PEAK1: variants seen among roughly 807,000 people sequenced by gnomAD.
PEAK1 encodes inactive tyrosine-protein kinase PEAK1.
Under a neutral mutation model 124.7 loss-of-function variants are expected in PEAK1, and 54 were observed. The ratio of observed to expected loss-of-function variants is 0.43; its 90% CI spans 0.35 to 0.54. PEAK1 has a LOEUF of 0.54. PEAK1 is among the 20% of genes least tolerant of loss of function. PEAK1 has a pLI of 0.01. For synonymous variants in PEAK1, 719 were observed against 760.0 expected (o/e 0.95, Z 0.89); for missense variants, 2,046 against 2,134.5 (o/e 0.96, Z 0.82).
intron 5 of PEAK1, among the ~76,000 whole-genome samples, chr15:77,263,343 T>C (rs1361915806): frequency 1.3e-5 from 2 of 152,004 alleles, no homozygotes; most frequent in South Asian, 4.2e-4. Flanking sequence ...ATCAACAAAA[T>C]TGATAGACCG....
chr15:77,233,606 T>C (rs2059995599), intron 6 of PEAK1, among the ~76,000 whole-genome samples: 1 of 152,220 alleles, frequency 6.6e-6, no homozygotes, highest in Non-Finnish European at 1.5e-5. Flanking sequence ...TAAGGGATTT[T>C]ATCCAATCCT....
chr15:77,297,346 T>C (rs576890955), intron 2 of PEAK1, among the ~76,000 whole-genome samples: 1 of 151,352 alleles, frequency 6.6e-6, no homozygotes, highest in Non-Finnish European at 1.5e-5. Context: ...AAAAAATGAA[T>C]CTTCTTATAA....
intron 8 of PEAK1, among the ~76,000 whole-genome samples, chr15:77,152,716 C>T (rs924015559): frequency 2.6e-5 from 4 of 152,142 alleles, no homozygotes; most frequent in Non-Finnish European, 2.9e-5. Context: ...TGAATTTTGT[C>T]AAAGGCCTTT....
At chr15:77,371,291 T>C (rs906221588) in intron 1 of PEAK1, 46 of 930,274 alleles carry the variant, frequency 4.9e-5, no homozygotes, top group Non-Finnish European at 5.8e-5. Flanking sequence ...TTAATAATAT[T>C]GGAACATAAT....
At chr15:77,356,596 T>C (rs894034563) in intron 2 of PEAK1, among the ~76,000 whole-genome samples, 1 of 152,174 alleles carries the variant, frequency 6.6e-6, no homozygotes, top group Non-Finnish European at 1.5e-5. Context: ...ATATTAAAAA[T>C]TGCAAACACC....
chr15:77,273,952 T>C (rs768561900), intron 5 of PEAK1, among the ~76,000 whole-genome samples: 5 of 152,044 alleles, frequency 3.3e-5, no homozygotes, highest in East Asian at 3.9e-4. Context: ...TGGAACAGAA[T>C]AGAGAACCCA....
downstream of PEAK1, chr15:77,106,130 C>G (rs968291751): frequency 6.6e-6 from 1 of 152,128 alleles, no homozygotes; most frequent in Non-Finnish European, 1.5e-5. Context: ...TTTCAGGGCT[C>G]CAGGTGTTTC....
At chr15:77,376,159 A>T (rs1369271838) in intron 1 of PEAK1, among the ~76,000 whole-genome samples, 1 of 152,114 alleles carries the variant, frequency 6.6e-6, no homozygotes, top group African/African-American at 2.4e-5. Context: ...TAAAAAAATC[A>T]GGCAACTTGA....
intron 9 of PEAK1, among the ~76,000 whole-genome samples, chr15:77,131,958 C>T (rs1198083546): frequency 6.6e-6 from 1 of 151,696 alleles, no homozygotes; most frequent in Non-Finnish European, 1.5e-5. Flanking sequence ...ACACCTGAGG[C>T]TGCAGTGAGC....
At chr15:77,296,140 T>C (rs751090990) in intron 2 of PEAK1, among the ~76,000 whole-genome samples, 4 of 152,162 alleles carry the variant, frequency 2.6e-5, no homozygotes, top group Non-Finnish European at 5.9e-5. Flanking sequence ...AGAAAGGCAC[T>C]AAGAGAGCAA....
intron 1 of PEAK1, chr15:77,402,499 T>C (rs570366694): frequency 2.1e-6 from 2 of 967,126 alleles, no homozygotes; most frequent in South Asian, 9.6e-5. Flanking sequence ...TATTACATGT[T>C]AAAATTATTA....
intron 2 of PEAK1, among the ~76,000 whole-genome samples, chr15:77,306,593 C>T (rs929211329): frequency 6.6e-6 from 1 of 152,058 alleles, no homozygotes; most frequent in Non-Finnish European, 1.5e-5. Flanking sequence ...CTAATCATTC[C>T]TTTTATAGAC....
intron 6 of PEAK1, among the ~76,000 whole-genome samples, chr15:77,237,770 T>C (rs2060188242): frequency 6.6e-6 from 1 of 152,202 alleles, no homozygotes; most frequent in South Asian, 2.1e-4. Context: ...CTAAGTGAAT[T>C]CATATCTATA....
At chr15:77,116,706 ATCTATCTATCTATCTATCTATCT>A (rs1566987363) in intron 9 of PEAK1, among the ~76,000 whole-genome samples, 7 of 14,322 alleles carry the variant, frequency 4.9e-4, no homozygotes, top group South Asian at 4.0e-3. Context: ...CAATCAATCT[ATCTATCTATCTATCTATCTATCT>A]ATCTATCTAT....
chr15:77,304,560 G>T (rs940945015), intron 2 of PEAK1, among the ~76,000 whole-genome samples: 1 of 147,218 alleles, frequency 6.8e-6, no homozygotes, highest in Non-Finnish European at 1.5e-5. Flanking sequence ...ACCATCTCCT[G>T]CCTCAGCCTC....
intron 1 of PEAK1, among the ~76,000 whole-genome samples, chr15:77,396,528 A>G (rs766886472): frequency 1.3e-5 from 2 of 152,142 alleles, no homozygotes; most frequent in Non-Finnish European, 2.9e-5. Context: ...TCTGTTGCCT[A>G]TAAGAAACAC....
chr15:77,157,705 T>C (rs1195323138), intron 8 of PEAK1: 1 of 152,172 alleles, frequency 6.6e-6, no homozygotes, highest in African/African-American at 2.4e-5. Flanking sequence ...CTTTACATTA[T>C]CCAATCTTGT....
intron 5 of PEAK1, among the ~76,000 whole-genome samples, chr15:77,272,446 A>G (rs2062088152): frequency 6.6e-6 from 1 of 152,220 alleles, no homozygotes. Context: ...CCAATACCAA[A>G]GAAATACAAA....
chr15:77,277,793 C>A (rs1423964399), intron 5 of PEAK1, among the ~76,000 whole-genome samples: 12 of 152,046 alleles, frequency 7.9e-5, no homozygotes, highest in Admixed American at 7.9e-4. Context: ...ATATGACATT[C>A]TGAAAAAGTT....
Sources: allele counts gnomAD v4.1 joint callset (sites outside exome capture counted in the v4.1 genomes callset), GRCh38; gene constraint gnomAD v4.1.1; transcripts MANE v1.5; gene names NCBI Gene and HGNC (gene_info 2026-07-23, HGNC 2026-07-21).